PPP1R9A: variants seen among roughly 807,000 people sequenced by gnomAD.
PPP1R9A encodes protein phosphatase 1 regulatory subunit 9A.
In PPP1R9A, 59 loss-of-function variants were observed where a neutral mutation model predicts 141.9. The observed-to-expected ratio is 0.42, with a 90% CI of 0.34 to 0.52. PPP1R9A has a LOEUF of 0.52. PPP1R9A is among the 20% of genes least tolerant of loss of function. The pLI is 0.10. For synonymous variants in PPP1R9A, 500 were observed against 569.7 expected (o/e 0.88, Z 1.74); for missense variants, 1,444 against 1,611.9 (o/e 0.90, Z 1.78).
At chr7:95,097,679 C>T (rs1269618080) in intron 2 of PPP1R9A, among the ~76,000 whole-genome samples, 1 of 152,108 alleles carries the variant, frequency 6.6e-6, no homozygotes, top group Admixed American at 6.5e-5. Flanking sequence ...CTATTCTATC[C>T]TTTTTAATTT....
intron 12 of PPP1R9A, among the ~76,000 whole-genome samples, chr7:95,260,478 A>C (rs2153030062): frequency 6.6e-6 from 1 of 152,258 alleles, no homozygotes; most frequent in African/African-American, 2.4e-5. Context: ...CAGGAGTTCA[A>C]GACCAGCCTG....
chr7:95,063,940 A>G (rs539267249), intron 2 of PPP1R9A, among the ~76,000 whole-genome samples: 1 of 152,300 alleles, frequency 6.6e-6, no homozygotes, highest in Admixed American at 6.5e-5. Context: ...AATTCACTTC[A>G]AGTTTGTAAA....
chr7:95,171,194 G>A (rs900286671), intron 5 of PPP1R9A, among the ~76,000 whole-genome samples: 1 of 151,408 alleles, frequency 6.6e-6, no homozygotes, highest in African/African-American at 2.4e-5. Context: ...GAGATGTATA[G>A]AAAACTAACA....
chr7:95,120,589 A>G (rs1297023206), intron 3 of PPP1R9A, 123 bp from the exon 4 acceptor site: 1 of 1,064,610 alleles, frequency 9.4e-7, no homozygotes, highest in East Asian at 2.5e-5. Flanking sequence ...TAAAGCAAGC[A>G]TGTTATTGTC....
chr7:95,052,477 G>A (rs1469402627), intron 2 of PPP1R9A, among the ~76,000 whole-genome samples: 1 of 152,088 alleles, frequency 6.6e-6, no homozygotes, highest in East Asian at 1.9e-4. Flanking sequence ...GGGGAGCCCC[G>A]TGGATTGTGT....
At chr7:95,033,078 C>G (rs778935399) in intron 2 of PPP1R9A, among the ~76,000 whole-genome samples, 2 of 151,746 alleles carry the variant, frequency 1.3e-5, no homozygotes, top group Non-Finnish European at 2.9e-5. Flanking sequence ...GCTGTTGGCT[C>G]ACTGCAAACT....
chr7:95,163,597 A>G (rs185765010), intron 5 of PPP1R9A, among the ~76,000 whole-genome samples: 2 of 152,206 alleles, frequency 1.3e-5, no homozygotes, highest in East Asian at 1.9e-4. Flanking sequence ...AAATGCTCTA[A>G]TGAATATTTC....
At chr7:95,094,625 A>G (rs760316695) in intron 2 of PPP1R9A, among the ~76,000 whole-genome samples, 2 of 152,144 alleles carry the variant, frequency 1.3e-5, no homozygotes, top group Non-Finnish European at 2.9e-5. Flanking sequence ...CACACCTGTA[A>G]TCCCAGCACT....
intron 2 of PPP1R9A, among the ~76,000 whole-genome samples, chr7:95,000,428 T>C (rs1802762968): frequency 6.6e-6 from 1 of 152,226 alleles, no homozygotes. Context: ...ATTTCCTTTC[T>C]AACATTGGTA....
At chr7:95,181,673 T>C (rs1339740586) in intron 5 of PPP1R9A, among the ~76,000 whole-genome samples, 1 of 134,456 alleles carries the variant, frequency 7.4e-6, no homozygotes, top group Non-Finnish European at 1.5e-5. Flanking sequence ...ATATAGAATA[T>C]ATATATATTC....
At position 95,294,737 on chromosome 7, in the gene PPP1R9A, G is replaced by A. The variant is rs1360848235; in HGVS notation, c.*4434G>A. ...TAGGCCCAACTAAGAAGTTGGAGGG[G>A]CAAAGAGAAAGCCGACAGAATCAGC... On this transcript the variant is annotated 3_prime_UTR_variant, in exon 20 of 20. Coordinates refer to ENST00000433360, the MANE Select transcript of PPP1R9A (RefSeq NM_001166160.2). The A allele has an allele frequency of 6.6e-6, 1 of 152,164 alleles. No homozygotes were observed. The highest frequency in any genetic ancestry group is 1.5e-5 in the Non-Finnish European group (1 of 68,034). The allele number at this position is 152,164 out of a possible 1,614,324, so 9.4% of individuals were successfully genotyped here.
intron 16 of PPP1R9A, among the ~76,000 whole-genome samples, chr7:95,283,072 T>A: frequency 6.6e-6 from 1 of 152,166 alleles, no homozygotes; most frequent in African/African-American, 2.4e-5. Context: ...AGCTATCAAA[T>A]AATAGGCATT....
At chr7:95,029,633 A>G (rs919658259) in intron 2 of PPP1R9A, among the ~76,000 whole-genome samples, 2 of 152,218 alleles carry the variant, frequency 1.3e-5, no homozygotes, top group African/African-American at 2.4e-5. Context: ...TTGGTAAAGA[A>G]CTATTAGGGA....
intron 7 of PPP1R9A, among the ~76,000 whole-genome samples, chr7:95,219,751 A>G (rs1254125593): frequency 6.6e-6 from 1 of 152,140 alleles, no homozygotes; most frequent in Admixed American, 6.6e-5. Context: ...TCAATATCCT[A>G]TGAGATTGGT....
chr7:95,206,418 A>G (rs1197663105), intron 7 of PPP1R9A, among the ~76,000 whole-genome samples: 1 of 152,184 alleles, frequency 6.6e-6, no homozygotes, highest in Non-Finnish European at 1.5e-5. Flanking sequence ...ATATAATTTT[A>G]TATATTATCA....
At chr7:94,940,542 T>C (rs1320152565) in intron 2 of PPP1R9A, among the ~76,000 whole-genome samples, 7 of 151,994 alleles carry the variant, frequency 4.6e-5, no homozygotes, top group African/African-American at 1.7e-4. Context: ...ATTAATATTA[T>C]ATGTTTGTAT....
chr7:95,061,691 G>C (rs1027189157), intron 2 of PPP1R9A, among the ~76,000 whole-genome samples: 4 of 152,126 alleles, frequency 2.6e-5, no homozygotes, highest in African/African-American at 9.7e-5. Context: ...GGCCATGATT[G>C]TGCCACTGCC....
chr7:95,151,155 T>G (rs773504353), intron 4 of PPP1R9A, among the ~76,000 whole-genome samples: 1 of 152,230 alleles, frequency 6.6e-6, no homozygotes, highest in Non-Finnish European at 1.5e-5. Flanking sequence ...TGAAAACTTT[T>G]GTCCACACAA....
At position 95,226,035 on chromosome 7, in the gene PPP1R9A, A is replaced by C. The variant is rs1462720608; in HGVS notation, c.2031A>C (p.Glu677Asp). 6.2e-7 allele frequency: 1 copy of C among 1,613,678 alleles called. No individual in the cohort carries two copies. Among genetic ancestry groups the C allele is most frequent in the Non-Finnish European group, 8.5e-7 (1 of 1,179,708 alleles). The change falls in exon 8 of 20, where the codon GAA (glutamate) becomes GAC (aspartate). Residue 677 changes from glutamate to aspartate, a missense_variant. By Grantham distance (45) the Glu-to-Asp change is conservative. Transcript: ENST00000433360. ...PVLPGSDMAI[E>D]VFELPENEDM... ...TTCCTGGCAGCGACATGGCCATTGA[A>C]GTCTTTGAGCTGCCTGAGAATGAGG...
Sources: gnomAD v4.1 joint callset for allele counts (sites outside exome capture counted in the v4.1 genomes callset) on GRCh38, gnomAD v4.1.1 for gene constraint, MANE v1.5 for transcripts, NCBI Gene and HGNC (gene_info 2026-07-23, HGNC 2026-07-21) for gene names.